GALNT13: variants seen among roughly 807,000 people sequenced by gnomAD.
The protein encoded by GALNT13 is polypeptide N-acetylgalactosaminyltransferase 13, also known as UDP-GalNAc:polypeptide N-acetylgalactosaminyltransferase 13.
Under a neutral mutation model 64.2 loss-of-function variants are expected in GALNT13, and 28 were observed. The ratio of observed to expected loss-of-function variants is 0.44; its 90% CI spans 0.32 to 0.60. The LOEUF (loss-of-function observed/expected upper bound fraction) is 0.60, where lower values mean the gene tolerates loss of function less well. Among genes scored for constraint, GALNT13 ranks in the 20% least tolerant of loss-of-function variants. The probability of loss-of-function intolerance (pLI) is 0.05; values close to 1 mark genes in which losing one functional copy is unlikely to be tolerated. For synonymous variants in GALNT13, 214 were observed against 224.6 expected (o/e 0.95, Z 0.42); for missense variants, 577 against 669.8 (o/e 0.86, Z 1.53).
At chr2:153,743,231 A>G in the GALNT13 span, among the ~76,000 whole-genome samples, 10 of 152,154 alleles carry the variant, frequency 6.6e-5, no homozygotes, top group African/African-American at 2.4e-4. Flanking sequence ...GAGAATTTGC[A>G]TAGAATTTAC....
At chr2:153,359,887 G>A in the GALNT13 span, among the ~76,000 whole-genome samples, 16 of 152,080 alleles carry the variant, frequency 1.1e-4, no homozygotes, top group South Asian at 2.1e-4. Flanking sequence ...ATTGAAATAC[G>A]AGAAATGAAA....
At chr2:153,440,680 T>C in the GALNT13 span, among the ~76,000 whole-genome samples, 1 of 152,240 alleles carries the variant, frequency 6.6e-6, no homozygotes, top group African/African-American at 2.4e-5. Flanking sequence ...GTGGTTTTGA[T>C]TTGCAGTTAT....
the GALNT13 span, among the ~76,000 whole-genome samples, chr2:153,415,865 G>A: frequency 6.6e-6 from 1 of 152,160 alleles, no homozygotes; most frequent in Non-Finnish European, 1.5e-5. Context: ...ATGAACAGAA[G>A]TTATTTCTAT....
At chr2:154,370,604 C>A (rs1032290119) in intron 9 of GALNT13, among the ~76,000 whole-genome samples, 2 of 152,064 alleles carry the variant, frequency 1.3e-5, no homozygotes, top group Non-Finnish European at 2.9e-5. Flanking sequence ...GTACCATTTG[C>A]TAAAATGGAG....
At chr2:153,499,369 A>T in the GALNT13 span, among the ~76,000 whole-genome samples, 1 of 152,124 alleles carries the variant, frequency 6.6e-6, no homozygotes, top group East Asian at 1.9e-4. Context: ...TGATTGGTTC[A>T]TGAGTGGACA....
the GALNT13 span, among the ~76,000 whole-genome samples, chr2:153,246,162 C>A: frequency 6.6e-6 from 1 of 151,784 alleles, no homozygotes; most frequent in African/African-American, 2.4e-5. Context: ...AAAGACTAAA[C>A]CTATGATGGA....
chr2:153,228,119 C>A, the GALNT13 span, among the ~76,000 whole-genome samples: 1 of 152,058 alleles, frequency 6.6e-6, no homozygotes, highest in Non-Finnish European at 1.5e-5. Flanking sequence ...GGGTGTAATG[C>A]AAAAGGAAAA....
intron 8 of GALNT13, among the ~76,000 whole-genome samples, chr2:154,291,053 G>A (rs867118262): frequency 3.4e-4 from 51 of 152,178 alleles, no homozygotes; most frequent in Middle Eastern, 3.4e-3. Flanking sequence ...AAGATCTATC[G>A]TGAAGAGCAA....
chr2:153,396,389 G>T, the GALNT13 span, among the ~76,000 whole-genome samples: 4 of 152,042 alleles, frequency 2.6e-5, no homozygotes, highest in African/African-American at 9.7e-5. Context: ...AAGGGGGATA[G>T]AAAATATGTA....
rs1454006868 is a variant in GALNT13, at chr2:154,156,008, T to C, written c.311+15503T>C. ...ATATTTATGTATTGCATTTATAGTG[T>C]CTTATTTTATTTTTTCCCTAACATA... On this transcript the variant is annotated intron_variant, in intron 4 of 12. Transcript: ENST00000392825. Among the ~76,000 whole-genome samples, 3 of 151,990 alleles carry C rather than the reference T, an allele frequency of 2.0e-5. No homozygotes were observed. The East Asian group carries it at 5.8e-4, about 29-fold the overall frequency.
the GALNT13 span, among the ~76,000 whole-genome samples, chr2:153,718,865 T>A: frequency 6.6e-6 from 1 of 152,236 alleles, no homozygotes; most frequent in Non-Finnish European, 1.5e-5. Flanking sequence ...TGTTATTGAA[T>A]GGAGCATTTA....
chr2:153,146,370 A>G, the GALNT13 span, among the ~76,000 whole-genome samples: 3 of 151,672 alleles, frequency 2.0e-5, no homozygotes, highest in African/African-American at 4.8e-5. Flanking sequence ...TAATCTAACT[A>G]TTTCTTCCCA....
chr2:153,359,969 G>A, the GALNT13 span, among the ~76,000 whole-genome samples: 1 of 152,198 alleles, frequency 6.6e-6, no homozygotes, highest in Non-Finnish European at 1.5e-5. Flanking sequence ...AGAAGCATCA[G>A]TGAATTTGCA....
chr2:154,277,693 T>C (rs552246023), intron 8 of GALNT13, among the ~76,000 whole-genome samples: 6 of 152,312 alleles, frequency 3.9e-5, no homozygotes, highest in South Asian at 4.1e-4. Flanking sequence ...ACGTAATTAC[T>C]ACTGAGAAAT....
chr2:153,766,127 A>T, the GALNT13 span, among the ~76,000 whole-genome samples: 1 of 152,166 alleles, frequency 6.6e-6, no homozygotes, highest in South Asian at 2.1e-4. Flanking sequence ...TTTGTTGGAT[A>T]AAATATTCAT....
At chr2:153,461,530 G>A in the GALNT13 span, among the ~76,000 whole-genome samples, 1 of 151,984 alleles carries the variant, frequency 6.6e-6, no homozygotes, top group African/African-American at 2.4e-5. Context: ...GCCCCTCTCC[G>A]GATAAGAAAT....
chr2:153,930,952 T>G (rs1690472500), intron 2 of GALNT13, among the ~76,000 whole-genome samples: 2 of 152,092 alleles, frequency 1.3e-5, no homozygotes, highest in Non-Finnish European at 2.9e-5. Context: ...TTCCTTCTCA[T>G]GAGCATAGAC....
chr2:153,454,579 G>A, the GALNT13 span, among the ~76,000 whole-genome samples: 1 of 152,108 alleles, frequency 6.6e-6, no homozygotes, highest in Non-Finnish European at 1.5e-5. Context: ...TCAGTGAATG[G>A]GATCCTACAA....
chr2:153,102,348 T>A, the GALNT13 span, among the ~76,000 whole-genome samples: 1 of 152,230 alleles, frequency 6.6e-6, no homozygotes, highest in Non-Finnish European at 1.5e-5. Context: ...ATGATTTTTT[T>A]TAAATCTCAG....
Sources: allele counts gnomAD v4.1 joint callset (sites outside exome capture counted in the v4.1 genomes callset), GRCh38; gene constraint gnomAD v4.1.1; transcripts MANE v1.5; gene names NCBI Gene and HGNC (gene_info 2026-07-23, HGNC 2026-07-21).